TRIM41: variants seen among roughly 807,000 people sequenced by gnomAD.
TRIM41 encodes the protein E3 ubiquitin-protein ligase TRIM41.
TRIM41 carries 21 observed loss-of-function variants against 60.6 expected under a neutral mutation model. The ratio of observed to expected loss-of-function variants is 0.35; its 90% CI spans 0.25 to 0.50. The LOEUF (loss-of-function observed/expected upper bound fraction) is 0.50. TRIM41 is among the 20% of genes least tolerant of loss of function. The pLI is 0.98. For synonymous variants in TRIM41, 407 were observed against 344.9 expected (o/e 1.18, Z -2.00); for missense variants, 846 against 868.3 (o/e 0.97, Z 0.32).
chr5:181,232,950 C>T (rs1433442433), intron 3 of TRIM41, 61 bp downstream of exon 3: 2 of 1,480,708 alleles, frequency 1.4e-6, no homozygotes, highest in African/African-American at 1.4e-5. Flanking sequence ...GCAGTGCTTA[C>T]CAAACGCCTG....
Position 181,235,163 on chromosome 5 carries a change from G to C in TRIM41, c.*388G>C. ...TCTTCAACCTCTTTATCAGTTCTGA[G>C]GCTGGAGGGTTTGGGCAAGGCAACA... On this transcript the variant is annotated 3_prime_UTR_variant, in exon 6 of 6. Transcript: ENST00000315073. 6.5e-7 allele frequency: 1 copy of C among 1,538,784 alleles called. No homozygotes were observed. Among genetic ancestry groups the C allele is most frequent in the Non-Finnish European group, 8.8e-7 (1 of 1,140,672 alleles).
At position 181,235,281 on chromosome 5, in the gene TRIM41, G is replaced by T; in HGVS notation, c.*506G>T. The T allele has an allele frequency of 6.2e-7, 1 of 1,613,658 alleles. No individual in the cohort carries two copies. The highest frequency in any genetic ancestry group is 8.5e-7 in the Non-Finnish European group (1 of 1,179,752). On this transcript the variant is annotated 3_prime_UTR_variant, in exon 6 of 6. Transcript: ENST00000315073. ...AGGCTGGGCCAAAGGGTAGAGCTGG[G>T]TAATAAATGTCTATTCTCCTGGGGA...
chr5:181,225,100 G>A (rs1758490663), intron 1 of TRIM41: 1 of 489,878 alleles, frequency 2.0e-6, no homozygotes, highest in South Asian at 2.2e-5. Context: ...CAGAAGTCTC[G>A]TTTTCTTTCG....
chr5:181,233,366 C>A lies in TRIM41; in HGVS notation c.1141-47C>A. On this transcript the variant is annotated intron_variant, in intron 3 of 5. Transcript: ENST00000315073. The surrounding 1 kb of genome is among the most constrained non-coding windows in gnomAD (Gnocchi z 4.1). ...GCTGTCCCTGTGCAGCTGACACTCT[C>A]TTTATCTCTTTCTCCCTCTCCCTCT... is the stretch of plus-strand genomic sequence containing the variant. 1 of 1,590,930 alleles carries A rather than the reference C, an allele frequency of 6.3e-7. No homozygotes were observed. Among genetic ancestry groups the A allele is most frequent in the Non-Finnish European group, 8.6e-7 (1 of 1,160,028 alleles).
At chr5:181,232,278 T>G in intron 2 of TRIM41, 1 of 218,170 alleles carries the variant, frequency 4.6e-6, no homozygotes, top group Non-Finnish European at 9.0e-6. Flanking sequence ...GTTACGTCAT[T>G]TAAACACAAC....
At position 181,223,958 on chromosome 5, in the gene TRIM41, G is replaced by GCCCCC; in HGVS notation, c.-39_-35dup. The GCCCCC allele has an allele frequency of 4.3e-6, 6 of 1,403,722 alleles. No individual in the cohort carries two copies. Among genetic ancestry groups the GCCCCC allele is most frequent in the African/African-American group, 3.0e-5 (2 of 67,124 alleles). The allele number at this position is 1,403,722 out of a possible 1,614,324, so 87.0% of individuals were successfully genotyped here. Reference sequence around the variant, plus strand: ...TCGGTAGGGAAGACCCCCGCCCCTCGCCCCCCCACCGAACCTCTACACTGG... The same window carrying GCCCCC: ...TCGGTAGGGAAGACCCCCGCCCCTCGCCCCCCCCCCCCACCGAACCTCTACACTGG... On this transcript the variant is annotated 5_prime_UTR_variant, in exon 1 of 6. Transcript: ENST00000315073.
Position 181,235,091 on chromosome 5 carries a change from G to C in TRIM41, c.*316G>C. On this transcript the variant is annotated 3_prime_UTR_variant, in exon 6 of 6. Transcript: ENST00000315073. ...GGACTGGAATTTGAGTAGGGGATGA[G>C]GGGAAATTGTAATTTCATTCCTTAA... is the stretch of plus-strand genomic sequence containing the variant. The C allele has an allele frequency of 7.5e-6, 12 of 1,606,198 alleles. No homozygotes were observed. The highest frequency in any genetic ancestry group is 8.5e-6 in the Non-Finnish European group (10 of 1,176,724).
At position 181,224,674 on chromosome 5, in the gene TRIM41, C is replaced by T. The variant is rs2113145483; in HGVS notation, c.675C>T (p.Gly225=). The T allele has an allele frequency of 6.2e-7, 1 of 1,614,232 alleles. No homozygotes were observed. Among genetic ancestry groups the T allele is most frequent in the African/African-American group, 1.3e-5 (1 of 75,060 alleles). The change falls in exon 1 of 6, where the codon GGC becomes GGT. Residue 225 remains glycine (G), a synonymous_variant. Transcript: ENST00000315073. ...GAGGGAGCCGCGTGACCGATCAGGG[C>T]ATCTGTCCCAAACACCAAGAAGCCC... ...PGRGSRVTDQ[G]ICPKHQEALK... is the part of the protein sequence containing the mutation.
At position 181,230,786 on chromosome 5, in the gene TRIM41, G is replaced by C. The variant is rs1229413896; in HGVS notation, c.856G>C (p.Glu286Gln). The C allele has an allele frequency of 6.2e-7, 1 of 1,613,396 alleles. No individual in the cohort carries two copies. Among genetic ancestry groups the C allele is most frequent in the Admixed American group, 1.7e-5 (1 of 59,994 alleles). Residue 286 changes from glutamate to glutamine, a missense_variant, in exon 2 of 6, where the codon GAG (glutamate) becomes CAG (glutamine). Coordinates refer to ENST00000315073, the MANE Select transcript of TRIM41 (RefSeq NM_033549.5). ...GHVEPLRKHL[E>Q]AVQKMKAKEE... ...CGTGGAACCACTGAGGAAGCACCTG[G>C]AGGCAGTGCAGAAGATGAAAGCCAA...
At position 181,225,057 on chromosome 5, in the gene TRIM41, C is replaced by G. The variant is rs114432661; in HGVS notation, c.813+245C>G. 1.5e-3 allele frequency: 888 copies of G among 577,902 alleles called. 5 individuals are homozygous for G. The highest frequency in any genetic ancestry group is 0.015 in the African/African-American group (807 of 53,588). 35.8% of individuals were successfully genotyped at this position (577,902 alleles called of 1,614,324 possible). ...TTCCTCAAAGCAAATAGAGCAAAGC[C>G]GGTGATGCCAGATCAGGTCTCTAGG... On this transcript the variant is annotated intron_variant, in intron 1 of 5. Transcript: ENST00000315073.
intron 2 of TRIM41, 122 bp downstream of exon 2, chr5:181,230,961 G>C (rs542266885): frequency 6.1e-6 from 5 of 816,196 alleles, no homozygotes; most frequent in East Asian, 5.4e-5. Flanking sequence ...GCCTGGGAGA[G>C]GGGTAGATGC....
rs1405111906 is a variant in TRIM41 at position 181,232,690 on chromosome 5, C to T, written c.941C>T (p.Ala314Val). Residue 314 changes from alanine to valine, a missense_variant, in exon 3 of 6, where the codon GCC becomes GTC. By Grantham distance (64) the Ala-to-Val change is moderately conservative. Transcript: ENST00000315073. Reference protein sequence around the residue: ...SQMKSELAAVASEFGRLTRFL... With the variant: ...SQMKSELAAVVSEFGRLTRFL... ...ATGAAGTCAGAGCTGGCAGCGGTGG[C>T]CTCGGAGTTTGGGCGACTGACACGG... 1.1e-5 allele frequency: 18 copies of T among 1,613,940 alleles called. No individual in the cohort carries two copies. The highest frequency in any genetic ancestry group is 1.4e-5 in the Non-Finnish European group (16 of 1,180,010).
In TRIM41 at chr5:181,223,593, G is replaced by T; in HGVS notation, c.-407G>T. ...CTGGGGCCCCGCGGGGAAAAAGGGG[G>T]AGTAGCAGGACAGCGGAGGGAAGTC... On this transcript the variant is annotated 5_prime_UTR_variant, in exon 1 of 6. Coordinates refer to ENST00000315073, the MANE Select transcript of TRIM41 (RefSeq NM_033549.5). The T allele has an allele frequency of 2.2e-6, 1 of 449,768 alleles. No individual in the cohort carries two copies. Among genetic ancestry groups the T allele is most frequent in the East Asian group, 3.2e-5 (1 of 31,620 alleles). 27.9% of individuals were successfully genotyped at this position (449,768 alleles called of 1,614,324 possible).
In TRIM41 at chr5:181,224,312, G is replaced by A; in HGVS notation, c.313G>A (p.Gly105Ser). ...MEEEVEEEEE[G>S]VFWTSGMSRS... ...GGAGGAGGTCGAGGAGGAAGAAGAG[G>A]GTGTGTTCTGGACCAGTGGCATGAG... The change falls in exon 1 of 6, where the codon GGT (glycine) becomes AGT (serine). Residue 105 changes from glycine (G) to serine (S), a missense_variant. Gly to Ser is a moderately conservative substitution (Grantham distance 56). Transcript: ENST00000315073. The A allele has an allele frequency of 5.6e-6, 9 of 1,614,178 alleles. No individual in the cohort carries two copies. Among genetic ancestry groups the A allele is most frequent in the South Asian group, 1.1e-5 (1 of 91,086 alleles).
chr5:181,228,170 GC>G (rs1758631012), intron 1 of TRIM41: 1 of 149,782 alleles, frequency 6.7e-6, no homozygotes, highest in East Asian at 2.0e-4. Context: ...GGGCGGTGGA[GC>G]TTGCAGTGAG....
rs149754653 is a variant in TRIM41, at chr5:181,232,747, G to T, written c.998G>T (p.Arg333Leu). 4 of 1,613,820 alleles carry T rather than the reference G, an allele frequency of 2.5e-6. No individual in the cohort carries two copies. In the Admixed American group the frequency reaches 5.0e-5, roughly 20 times the overall value. ...GCTGAAGAGCAGGCAGGGCTGGAAC[G>T]GCGTCTCAGAGAGATGCATGAAGCC... Reference protein sequence around the residue: ...FLAEEQAGLERRLREMHEAQL... With the variant: ...FLAEEQAGLELRLREMHEAQL... Residue 333 changes from arginine to leucine, a missense_variant, in exon 3 of 6, where the codon CGG (arginine) becomes CTG (leucine). Coordinates refer to ENST00000315073, the MANE Select transcript of TRIM41 (RefSeq NM_033549.5).
intron 1 of TRIM41, chr5:181,225,526 G>A (rs1357751626): frequency 6.5e-6 from 1 of 152,718 alleles, no homozygotes; most frequent in Non-Finnish European, 1.5e-5. Flanking sequence ...TTAAAACCCA[G>A]ACAACACTGA....
Position 181,235,663 on chromosome 5 carries a change from G to T in TRIM41, c.*888G>T. The stretch of plus-strand genomic sequence containing the variant: ...GGACGGGTTTGGGTCCCCAGGAGGA[G>T]AGCCTTGGGTATAATCTATTTTTCT... On this transcript the variant is annotated 3_prime_UTR_variant, in exon 6 of 6. Coordinates refer to ENST00000315073, the MANE Select transcript of TRIM41 (RefSeq NM_033549.5). The T allele has an allele frequency of 4.1e-6, 2 of 490,328 alleles. No homozygotes were observed. The highest frequency in any genetic ancestry group is 3.3e-5 in the East Asian group (1 of 30,118). 30.4% of individuals were successfully genotyped at this position (490,328 alleles called of 1,614,324 possible). A position where few individuals can be genotyped will look rare whatever the true frequency, so the allele number is the denominator to read the frequency against.
chr5:181,232,575 C>T (rs1400027924), intron 2 of TRIM41, 84 bp from the exon 3 acceptor site: 1 of 1,318,998 alleles, frequency 7.6e-7, no homozygotes, highest in African/African-American at 1.5e-5. Context: ...CTTTGCCTTG[C>T]ATTGAGAAGT....
Sources: gnomAD v4.1 joint callset for allele counts on GRCh38, gnomAD v4.1.1 for gene constraint, Gnocchi (gnomAD v3.1) non-coding constraint, MANE v1.5 for transcripts, NCBI Gene and HGNC (gene_info 2026-07-23, HGNC 2026-07-21) for gene names.